Variants in IRAK1BP1 observed in about 807,000 individuals in gnomAD.
IRAK1BP1 encodes interleukin-1 receptor-associated kinase 1-binding protein 1.
In IRAK1BP1, 24 loss-of-function variants were observed where a neutral mutation model predicts 28.0. The observed-to-expected ratio is 0.86, with a 90% confidence interval of 0.62 to 1.20. The LOEUF is 1.20. Among genes scored for constraint, IRAK1BP1 ranks in the 50% most tolerant of loss-of-function variants. The probability of loss-of-function intolerance (pLI) is 0.00; values close to 1 mark genes in which losing one functional copy is unlikely to be tolerated. For synonymous variants in IRAK1BP1, 131 were observed against 116.3 expected (o/e 1.13, Z -0.81); for missense variants, 336 against 316.7 (o/e 1.06, Z -0.46).
At chr6:78,971,050 C>T in the IRAK1BP1 span, among the ~76,000 whole-genome samples, 1 of 152,120 alleles carries the variant, frequency 6.6e-6, no homozygotes, top group Non-Finnish European at 1.5e-5. Context: ...CTTAACATCA[C>T]TAAATCATAA....
chr6:78,867,883 G>A lies in IRAK1BP1; in HGVS notation c.307G>A (p.Gly103Ser). The A allele has an allele frequency of 6.3e-7, 1 of 1,592,326 alleles. No individual in the cohort carries two copies. The highest frequency in any genetic ancestry group is 8.6e-7 in the Non-Finnish European group (1 of 1,168,794). Reference sequence around the variant, plus strand: ...CATCACGCAGAGCCTCCAGCAGCAGGGCGTGCAGGTGAGATCTCCGCGGGG... The same window carrying A: ...CATCACGCAGAGCCTCCAGCAGCAGAGCGTGCAGGTGAGATCTCCGCGGGG... Reference protein sequence around the residue: ...DYITQSLQQQGVQAENITVTK... With the variant: ...DYITQSLQQQSVQAENITVTK... Residue 103 changes from glycine to serine, a missense_variant, in exon 1 of 4, where the codon GGC becomes AGC. Physicochemically the swap from Gly to Ser is moderately conservative, Grantham distance 56. Coordinates refer to ENST00000369940, the MANE Select transcript of IRAK1BP1 (RefSeq NM_001010844.4).
chr6:78,978,741 T>A, the IRAK1BP1 span: 2 of 1,551,350 alleles, frequency 1.3e-6, no homozygotes, highest in South Asian at 1.2e-5. Context: ...AATTGTTAAG[T>A]AATAATCAAA....
rs1771973960 is a variant in IRAK1BP1, at chr6:78,898,390, A to G, written c.*56A>G. 1 of 702,114 alleles carries G rather than the reference A, an allele frequency of 1.4e-6. No individual in the cohort carries two copies. The highest frequency in any genetic ancestry group is 2.0e-6 in the Non-Finnish European group (1 of 509,088). 43.5% of individuals were successfully genotyped at this position (702,114 alleles called of 1,614,324 possible). On this transcript the variant is annotated 3_prime_UTR_variant, in exon 4 of 4. Coordinates refer to ENST00000369940, the MANE Select transcript of IRAK1BP1 (RefSeq NM_001010844.4). Reference sequence around the variant, plus strand: ...CTTTTTACCTATTTTTATACTTTTTATAATGTTTACGTTTGTCCTGAATAT... The same window carrying G: ...CTTTTTACCTATTTTTATACTTTTTGTAATGTTTACGTTTGTCCTGAATAT...
chr6:78,951,986 A>G, the IRAK1BP1 span, among the ~76,000 whole-genome samples: 1 of 151,978 alleles, frequency 6.6e-6, no homozygotes, highest in East Asian at 1.9e-4. Flanking sequence ...GGTCTCCTCC[A>G]TTTTTTCTGT....
chr6:78,869,444 C>A (rs538802326), intron 1 of IRAK1BP1, among the ~76,000 whole-genome samples: 1 of 152,152 alleles, frequency 6.6e-6, no homozygotes, highest in Non-Finnish European at 1.5e-5. Flanking sequence ...CTCTTGAATC[C>A]GGGAGGCGAA....
rs749762016 is a variant in IRAK1BP1 at position 78,867,587 on chromosome 6, A to G, written c.11A>G (p.Gln4Arg). 38 of 1,613,608 alleles carry G rather than the reference A, an allele frequency of 2.4e-5. No homozygotes were observed. In the Admixed American group the frequency reaches 6.2e-4, roughly 26 times the overall value. The change falls in exon 1 of 4, where the codon CAA becomes CGA. Residue 4 changes from glutamine (Q) to arginine (R), a missense_variant. Physicochemically the swap from Gln to Arg is conservative, Grantham distance 43 (BLOSUM62 1). Coordinates refer to ENST00000369940, the MANE Select transcript of IRAK1BP1 (RefSeq NM_001010844.4). MSL[Q>R]KTPPTRVFVE... ...CCAGCTGCCATCGCTATGTCTCTGC[A>G]AAAGACCCCTCCGACCCGAGTGTTC...
downstream of IRAK1BP1, among the ~76,000 whole-genome samples, chr6:78,949,718 C>T (rs1298599943): frequency 2.0e-5 from 3 of 151,640 alleles, no homozygotes; most frequent in African/African-American, 7.3e-5. Flanking sequence ...GAGATAGGGT[C>T]TCACTCTATT....
intron 4 of IRAK1BP1, among the ~76,000 whole-genome samples, chr6:78,921,280 C>G (rs1772717699): frequency 6.6e-6 from 1 of 152,200 alleles, no homozygotes; most frequent in African/African-American, 2.4e-5. Flanking sequence ...TGATTGTATC[C>G]CACCCCTGGC....
downstream of IRAK1BP1, among the ~76,000 whole-genome samples, chr6:78,903,551 G>A (rs1284098491): frequency 7.9e-5 from 12 of 151,910 alleles, no homozygotes; most frequent in African/African-American, 2.7e-4. Flanking sequence ...GACAATATTA[G>A]TGAACCAAAA....
downstream of IRAK1BP1, among the ~76,000 whole-genome samples, chr6:78,948,920 G>A (rs1383664913): frequency 6.6e-6 from 1 of 152,164 alleles, no homozygotes; most frequent in South Asian, 2.1e-4. Flanking sequence ...CTATAAGGTA[G>A]GATTACTGCC....
At chr6:78,947,834 G>C, downstream of IRAK1BP1, 6 of 1,217,544 alleles carry the variant, frequency 4.9e-6, no homozygotes, top group Middle Eastern at 7.7e-4. Flanking sequence ...TCACTTCTCA[G>C]TGCAGGGATT....
chr6:78,951,141 G>A (rs1429295035), downstream of IRAK1BP1, among the ~76,000 whole-genome samples: 3 of 152,090 alleles, frequency 2.0e-5, no homozygotes, highest in African/African-American at 7.2e-5. Flanking sequence ...AGTCCTTGGA[G>A]ATTTTACATT....
chr6:78,971,502 A>C, the IRAK1BP1 span, among the ~76,000 whole-genome samples: 1 of 152,178 alleles, frequency 6.6e-6, no homozygotes, highest in Non-Finnish European at 1.5e-5. Context: ...TCTATTCATT[A>C]ATACCATTAT....
the IRAK1BP1 span, chr6:78,969,869 T>C: frequency 1.2e-5 from 19 of 1,595,192 alleles, no homozygotes; most frequent in Admixed American, 3.4e-5. Context: ...CATCATCAAA[T>C]TGTTGTCTCA....
chr6:78,916,642 T>C (rs1202613811), intron 4 of IRAK1BP1, among the ~76,000 whole-genome samples: 3 of 152,190 alleles, frequency 2.0e-5, no homozygotes, highest in African/African-American at 7.2e-5. Context: ...ATCAATGAGT[T>C]TGGCACTTGA....
chr6:78,927,918 A>G (rs1229909423), intron 4 of IRAK1BP1, among the ~76,000 whole-genome samples: 1 of 152,094 alleles, frequency 6.6e-6, no homozygotes, highest in Non-Finnish European at 1.5e-5. Flanking sequence ...TGCCAGTACC[A>G]TGCTGTTTTG....
At chr6:78,969,141 A>G in the IRAK1BP1 span, among the ~76,000 whole-genome samples, 40 of 152,330 alleles carry the variant, frequency 2.6e-4, no homozygotes, top group African/African-American at 9.1e-4. Context: ...TAATTTTGAT[A>G]GCTTCCAAAT....
At chr6:78,889,338 G>A (rs891720587) in intron 2 of IRAK1BP1, among the ~76,000 whole-genome samples, 1 of 151,844 alleles carries the variant, frequency 6.6e-6, no homozygotes, top group Non-Finnish European at 1.5e-5. Flanking sequence ...GAAAACCTAG[G>A]CAATACCATT....
At chr6:78,917,356 CA>C (rs1054091173) in intron 4 of IRAK1BP1, among the ~76,000 whole-genome samples, 5 of 151,712 alleles carry the variant, frequency 3.3e-5, no homozygotes, top group Non-Finnish European at 5.9e-5. Context: ...TCAAATTAGC[CA>C]GACAAAAGTA....
Sources: gnomAD v4.1 joint callset for allele counts (sites outside exome capture counted in the v4.1 genomes callset) on GRCh38, gnomAD v4.1.1 for gene constraint, MANE v1.5 for transcripts, NCBI Gene and HGNC (gene_info 2026-07-23, HGNC 2026-07-21) for gene names.